The following LYST variants were observed in gnomAD, a reference collection of about 807,000 sequenced individuals.
LYST encodes the protein lysosomal-trafficking regulator.
In LYST, 192 loss-of-function variants were observed where a neutral mutation model predicts 413.6. That is an observed-to-expected ratio of 0.46 (90% CI 0.41 to 0.52). The LOEUF (loss-of-function observed/expected upper bound fraction) is 0.52, where lower values mean the gene tolerates loss of function less well. Among genes scored for constraint, LYST ranks in the 20% least tolerant of loss-of-function variants. LYST has a pLI of 0.00. For missense variants in LYST, 3,815 were observed against 4,499.9 expected, an observed-to-expected ratio of 0.85 and a Z score of 4.35; for synonymous variants, 1,525 against 1,567.3, an observed-to-expected ratio of 0.97 and a Z score of 0.64.
Position 235,730,567 on chromosome 1 carries a change from ATGTGTG to A in LYST, c.9044+274_9044+279del, listed in dbSNP as rs4006790. On this transcript the variant is annotated intron_variant, in intron 36 of 52. Coordinates refer to ENST00000389793, the MANE Select transcript of LYST (RefSeq NM_000081.4). ...TATGTGTATATATATACATATTTATATGTGTGTGTGTGTGTGTGTGTGTGTGTGTGT... is the reference window on the plus strand; with the variant it reads ...TATGTGTATATATATACATATTTATATGTGTGTGTGTGTGTGTGTGTGTGT... Among the ~76,000 whole-genome samples the A allele has an allele frequency of 0.13, 18,524 of 137,298 alleles. 1,929 individuals are homozygous for A. Among genetic ancestry groups the A allele is most frequent in the East Asian group, 0.56 (2,613 of 4,700 alleles). The allele number at this position is 137,298 out of a possible 152,430, so 90.1% of individuals were successfully genotyped here. A position where few individuals can be genotyped will look rare whatever the true frequency, so the allele number is the denominator to read the frequency against.
chr1:235,867,532 A>G (rs1680694158), upstream of LYST, among the ~76,000 whole-genome samples: 1 of 116,262 alleles, frequency 8.6e-6, no homozygotes, highest in Non-Finnish European at 1.8e-5. Flanking sequence ...GCAGTGGTGT[A>G]TTTTCCAACC....
Position 235,702,595 on chromosome 1 carries a change from A to G in LYST, c.10374+152T>C, listed in dbSNP as rs1436686638. ...ATCGCTAACACAGCATTTACCTCGC[A>G]CAGGATTCTGCTTTCGCTGCTGCAC... On this transcript the variant is annotated intron_variant, in intron 45 of 52. Transcript: ENST00000389793. 6.9e-6 allele frequency: 5 copies of G among 719,536 alleles called. No individual in the cohort carries two copies. The Admixed American group carries it at 8.0e-5, about 12-fold the overall frequency. The allele number at this position is 719,536 out of a possible 1,614,324, so 44.6% of individuals were successfully genotyped here.
rs778586545 is a variant in LYST at position 235,712,108 on chromosome 1, C to A, written c.9874G>T (p.Glu3292Ter). ...AGATAGAAAAACTCTGGGATAAGTT[C>A]TTTCACATCAGTCATAGATTCAAAA... The part of the protein sequence containing the change: ...SSFESMTDVK[E>*]LIPEFFYLPE... The change falls in exon 43 of 53, where the codon GAA becomes TAA. Residue 3292 changes from glutamate (E) to a stop codon, truncating the protein, a stop_gained. Coordinates refer to ENST00000389793, the MANE Select transcript of LYST (RefSeq NM_000081.4). LOFTEE classifies it high-confidence loss of function. The A allele has an allele frequency of 1.3e-6, 2 of 1,562,106 alleles. No homozygotes were observed. The highest frequency in any genetic ancestry group is 1.7e-6 in the Non-Finnish European group (2 of 1,149,088).
intron 3 of LYST, among the ~76,000 whole-genome samples, chr1:235,822,761 C>T (rs979751274): frequency 2.0e-5 from 3 of 152,204 alleles, no homozygotes; most frequent in Non-Finnish European, 4.4e-5. Context: ...CAACTTGTGA[C>T]TAGCTTTGAC....
chr1:235,825,173 T>C (rs1398161950), intron 3 of LYST, among the ~76,000 whole-genome samples: 1 of 152,080 alleles, frequency 6.6e-6, no homozygotes, highest in Admixed American at 6.5e-5. Context: ...GTATAAAAAC[T>C]CAACAAATTG....
intron 3 of LYST, among the ~76,000 whole-genome samples, chr1:235,825,737 G>C (rs1296774659): frequency 6.6e-6 from 1 of 152,174 alleles, no homozygotes; most frequent in Non-Finnish European, 1.5e-5. Flanking sequence ...ACTCAACATT[G>C]TTAAGTGTCA....
At chr1:235,783,200 T>C (rs1558237787) in intron 14 of LYST, among the ~76,000 whole-genome samples, 1 of 152,178 alleles carries the variant, frequency 6.6e-6, no homozygotes, top group Non-Finnish European at 1.5e-5. Context: ...AATTCAACTT[T>C]GTGTATATTT....
At chr1:235,786,747 T>C (rs993315270) in intron 14 of LYST, among the ~76,000 whole-genome samples, 24 of 151,978 alleles carry the variant, frequency 1.6e-4, no homozygotes, top group African/African-American at 5.8e-4. Flanking sequence ...ATGTCCTTTG[T>C]ACGGACACGG....
intron 1 of LYST, among the ~76,000 whole-genome samples, chr1:235,850,778 T>G (rs1383273536): frequency 6.6e-6 from 1 of 152,104 alleles, no homozygotes; most frequent in Non-Finnish European, 1.5e-5. Context: ...GAAAAAATGC[T>G]CAACATCACT....
chr1:235,850,891 A>G (rs1678451730), intron 1 of LYST, among the ~76,000 whole-genome samples: 1 of 152,182 alleles, frequency 6.6e-6, no homozygotes, highest in South Asian at 2.1e-4. Flanking sequence ...GTTGGCATGG[A>G]CGTGGTGAAC....
chr1:235,743,505 G>A (rs1270848017), intron 30 of LYST, among the ~76,000 whole-genome samples: 6 of 152,196 alleles, frequency 3.9e-5, no homozygotes, highest in South Asian at 4.1e-4. Context: ...TAAGTGACCC[G>A]CAGAAACCCA....
chr1:235,753,355 G>A lies in LYST; in HGVS notation c.7230-81C>T, dbSNP rs898097549. 6 of 879,526 alleles carry A rather than the reference G, an allele frequency of 6.8e-6. No individual in the cohort carries two copies. In the African/African-American group the frequency reaches 8.4e-5, roughly 12 times the overall value. 54.5% of individuals were successfully genotyped at this position (879,526 alleles called of 1,614,324 possible). A position where few individuals can be genotyped will look rare whatever the true frequency, so the allele number is the denominator to read the frequency against. ...TATGATAGCAACTATGGGTCATCTT[G>A]CTAACTTGATTTTGAAGTCATAAAA... is the stretch of plus-strand genomic sequence containing the variant. On this transcript the variant is annotated intron_variant, in intron 25 of 52. Transcript: ENST00000389793.
At chr1:235,774,516 C>CT (rs1447450449) in intron 18 of LYST, among the ~76,000 whole-genome samples, 1 of 152,098 alleles carries the variant, frequency 6.6e-6, no homozygotes, top group African/African-American at 2.4e-5. Flanking sequence ...ACTTGAAAAA[C>CT]TAACTCTGTA....
chr1:235,762,186 A>G (rs1415327496), intron 22 of LYST, among the ~76,000 whole-genome samples: 1 of 152,198 alleles, frequency 6.6e-6, no homozygotes, highest in Admixed American at 6.5e-5. Context: ...ATTGTACAGT[A>G]TTTGAAAATG....
chr1:235,882,153 C>T (rs200051317), intron 1 of LYST, among the ~76,000 whole-genome samples: 22 of 150,900 alleles, frequency 1.5e-4, no homozygotes, highest in African/African-American at 5.4e-4. Flanking sequence ...GAAGGAGGAT[C>T]GGGAAGGCTT....
At chr1:235,867,159 G>A (rs1004410514), upstream of LYST, among the ~76,000 whole-genome samples, 2 of 152,228 alleles carry the variant, frequency 1.3e-5, no homozygotes, top group African/African-American at 2.4e-5. Flanking sequence ...TGCAGCCGGG[G>A]CCCGGTCTGG....
intron 24 of LYST, 69 bp from the exon 25 acceptor site, chr1:235,755,716 A>C (rs1666980094): frequency 4.8e-6 from 4 of 835,820 alleles, no homozygotes; most frequent in Non-Finnish European, 8.0e-6. Flanking sequence ...AAATCAGTGT[A>C]ACACAACTGT....
chr1:235,718,143 C>A (rs569829489), intron 40 of LYST, among the ~76,000 whole-genome samples: 52 of 151,780 alleles, frequency 3.4e-4, no homozygotes, highest in African/African-American at 1.2e-3. Flanking sequence ...GGATTACAGG[C>A]GTGAGCCACC....
chr1:235,855,985 G>A (rs1417154287), intron 1 of LYST, among the ~76,000 whole-genome samples: 2 of 152,090 alleles, frequency 1.3e-5, no homozygotes, highest in African/African-American at 2.4e-5. Context: ...TGAATCTACT[G>A]TTCTATAACC....
Sources: gnomAD v4.1 joint callset for allele counts (sites outside exome capture counted in the v4.1 genomes callset) on GRCh38, gnomAD v4.1.1 for gene constraint, MANE v1.5 for transcripts, NCBI Gene and HGNC (gene_info 2026-07-23, HGNC 2026-07-21) for gene names.